The following MIS18BP1 variants were observed in gnomAD, a reference collection of about 807,000 sequenced individuals.
The protein encoded by MIS18BP1 is MIS18 binding protein 1.
MIS18BP1 carries 72 observed loss-of-function variants against 116.1 expected under a neutral mutation model. The observed-to-expected ratio is 0.62, with a 90% CI of 0.51 to 0.75. The LOEUF (loss-of-function observed/expected upper bound fraction) is 0.75. Ranked by LOEUF, MIS18BP1 falls within the 30% of genes least tolerant of loss-of-function variation. The pLI is 0.00. For missense variants in MIS18BP1, 1,363 were observed against 1,303.2 expected (o/e 1.05, Z -0.71); for synonymous variants, 386 against 427.0 (o/e 0.90, Z 1.18).
intron 11 of MIS18BP1, 55 bp from the exon 12 acceptor site, chr14:45,218,509 C>T: frequency 6.8e-7 from 1 of 1,479,386 alleles, no homozygotes; most frequent in Non-Finnish European, 9.1e-7. Flanking sequence ...ATGACAATAA[C>T]CTCTTAAAAG....
intron 14 of MIS18BP1, chr14:45,206,371 C>T (rs914110604): frequency 2.8e-5 from 13 of 462,364 alleles, no homozygotes; most frequent in Non-Finnish European, 4.7e-5. Flanking sequence ...ACTGCAGCCT[C>T]AACCTCCTGG....
At chr14:45,228,653 A>C (rs1380433219) in intron 8 of MIS18BP1, among the ~76,000 whole-genome samples, 3 of 152,230 alleles carry the variant, frequency 2.0e-5, no homozygotes. Flanking sequence ...AAAAAGTATA[A>C]AAACATTTTG....
chr14:45,230,867 C>T (rs995591879), intron 8 of MIS18BP1, among the ~76,000 whole-genome samples: 3 of 152,140 alleles, frequency 2.0e-5, no homozygotes, highest in Admixed American at 6.5e-5. Context: ...GCGATCCTTG[C>T]GCTTCAGCCT....
intron 6 of MIS18BP1, among the ~76,000 whole-genome samples, chr14:45,235,475 G>C (rs1313353368): frequency 2.7e-5 from 4 of 150,282 alleles, no homozygotes; most frequent in Non-Finnish European, 5.9e-5. Context: ...CCTTAGTCCC[G>C]GCTACTCAGG....
At chr14:45,252,764 T>C in intron 1 of MIS18BP1, among the ~76,000 whole-genome samples, 1 of 140,540 alleles carries the variant, frequency 7.1e-6, no homozygotes, top group Admixed American at 6.8e-5. Context: ...CCACTTGGTA[T>C]TCTAAAAAAA....
In MIS18BP1 at chr14:45,226,793, A is replaced by C; in HGVS notation, c.1790T>G (p.Leu597Arg). Reference sequence around the variant, plus strand: ...TTCATTTGTTCTTTCACCAATTTTTAGTTTCTTTGAAGACATTTTATATTC... The same window carrying C: ...TTCATTTGTTCTTTCACCAATTTTTCGTTTCTTTGAAGACATTTTATATTC... ...KKEYKMSSKK[L>R]KIGERTNERI... Residue 597 changes from leucine (L) to arginine (R), a missense_variant, in exon 10 of 17, where the codon CTA (leucine) becomes CGA (arginine). Coordinates refer to ENST00000310806, the MANE Select transcript of MIS18BP1 (RefSeq NM_018353.5). The C allele has an allele frequency of 7.1e-7, 1 of 1,414,084 alleles. No individual in the cohort carries two copies. The highest frequency in any genetic ancestry group is 9.4e-7 in the Non-Finnish European group (1 of 1,061,750). 87.6% of individuals were successfully genotyped at this position (1,414,084 alleles called of 1,614,324 possible). A position where few individuals can be genotyped will look rare whatever the true frequency, so the allele number is the denominator to read the frequency against.
chr14:45,209,412 A>G (rs924570173), intron 14 of MIS18BP1, among the ~76,000 whole-genome samples: 1 of 151,958 alleles, frequency 6.6e-6, no homozygotes, highest in African/African-American at 2.4e-5. Context: ...ACTGCAGCCT[A>G]CACCTCTGGG....
chr14:45,241,975 A>G, intron 4 of MIS18BP1, 59 bp downstream of exon 4: 1 of 1,503,672 alleles, frequency 6.7e-7, no homozygotes, highest in Non-Finnish European at 8.9e-7. Flanking sequence ...TTAAAAGCTC[A>G]AGCTCTTGAA....
At chr14:45,210,298 A>G (rs1233351944) in intron 14 of MIS18BP1, 82 bp downstream of exon 14, 3 of 1,386,622 alleles carry the variant, frequency 2.2e-6, no homozygotes, top group African/African-American at 2.9e-5. Context: ...CATTACTGGC[A>G]TCTATGGTCC....
intron 10 of MIS18BP1, among the ~76,000 whole-genome samples, chr14:45,225,198 TTC>T (rs1216825036): frequency 6.6e-6 from 1 of 152,170 alleles, no homozygotes; most frequent in Non-Finnish European, 1.5e-5. Flanking sequence ...TTCGATTTTA[TTC>T]TCTAACCCAC....
chr14:45,242,481 CA>C lies in MIS18BP1; in HGVS notation c.695del (p.Leu232TrpfsTer3), dbSNP rs1284538816. 1 of 1,592,156 alleles carries C rather than the reference CA, an allele frequency of 6.3e-7. No individual in the cohort carries two copies. Among genetic ancestry groups the C allele is most frequent in the Non-Finnish European group, 8.5e-7 (1 of 1,173,778 alleles). On this transcript the variant is annotated frameshift_variant, in exon 4 of 17. Transcript: ENST00000310806. LOFTEE classifies it high-confidence loss of function. ...PTLNQEQENF[L>X]AVEARNKTLT... Reference sequence around the variant, plus strand: ...ATGTCTTGTTTCGGGCTTCTACAGCCAAAAAATTTTCCTGTTCTTGGTTCAG... The same window carrying C: ...ATGTCTTGTTTCGGGCTTCTACAGCCAAAAATTTTCCTGTTCTTGGTTCAG...
At position 45,204,204 on chromosome 14, in the gene MIS18BP1, C is replaced by G. The variant is rs137962827; in HGVS notation, c.3304G>C (p.Glu1102Gln). Residue 1102 changes from glutamate to glutamine, a missense_variant, in exon 17 of 17, where the codon GAA becomes CAA. Physicochemically the swap from Glu to Gln is conservative, Grantham distance 29 (BLOSUM62 2). Transcript: ENST00000310806. ...AAAAGTTTTCCAATACCAGAGTTTT[C>G]TCCTAAGTCTGTAAAGAGAAGTTTA... ...RKTPFNTDLG[E>Q]NSGIGKLFTN... 1.8e-4 allele frequency: 287 copies of G among 1,604,576 alleles called. No individual in the cohort carries two copies. The African/African-American group carries it at 3.3e-3, about 19-fold the overall frequency.
At chr14:45,215,063 A>G (rs1890778638) in intron 13 of MIS18BP1, among the ~76,000 whole-genome samples, 1 of 152,128 alleles carries the variant, frequency 6.6e-6, no homozygotes, top group Non-Finnish European at 1.5e-5. Context: ...TCTGTTCTTT[A>G]TGATGCTACT....
At position 45,226,787 on chromosome 14, in the gene MIS18BP1, AT is replaced by A; in HGVS notation, c.1795del (p.Ile599LeufsTer9). 7.1e-7 allele frequency: 1 copy of A among 1,415,112 alleles called. No individual in the cohort carries two copies. Among genetic ancestry groups the A allele is most frequent in the African/African-American group, 1.5e-5 (1 of 68,572 alleles). The allele number at this position is 1,415,112 out of a possible 1,614,324, so 87.7% of individuals were successfully genotyped here. A position where few individuals can be genotyped will look rare whatever the true frequency, so the allele number is the denominator to read the frequency against. On this transcript the variant is annotated frameshift_variant, in exon 10 of 17. Transcript: ENST00000310806. LOFTEE classifies it high-confidence loss of function. ...EYKMSSKKLK[I>X]GERTNERIIK... is the part of the protein sequence containing the mutation. ...TATCCTTTCATTTGTTCTTTCACCAATTTTTAGTTTCTTTGAAGACATTTTA... is the reference window on the plus strand; with the variant it reads ...TATCCTTTCATTTGTTCTTTCACCAATTTTAGTTTCTTTGAAGACATTTTA...
chr14:45,236,517 A>T (rs1310398662), intron 5 of MIS18BP1, among the ~76,000 whole-genome samples: 1 of 152,230 alleles, frequency 6.6e-6, no homozygotes, highest in South Asian at 2.1e-4. Flanking sequence ...ATGAAGATGT[A>T]TTAGATAAAT....
intron 9 of MIS18BP1, among the ~76,000 whole-genome samples, chr14:45,227,181 A>G (rs567186399): frequency 6.6e-6 from 1 of 152,264 alleles, no homozygotes; most frequent in East Asian, 1.9e-4. Context: ...CAAGACATTC[A>G]GTCCCCAAGT....
chr14:45,237,989 C>A (rs1891473589), intron 4 of MIS18BP1, among the ~76,000 whole-genome samples: 1 of 152,160 alleles, frequency 6.6e-6, no homozygotes. Context: ...ATCACCAAAT[C>A]TCAACTGGTG....
At chr14:45,205,265 C>A (rs1890483193) in intron 15 of MIS18BP1, among the ~76,000 whole-genome samples, 1 of 151,656 alleles carries the variant, frequency 6.6e-6, no homozygotes, top group Non-Finnish European at 1.5e-5. Flanking sequence ...TAACATAAAT[C>A]AATATAATCA....
At chr14:45,244,582 C>A (rs1438987614) in intron 2 of MIS18BP1, among the ~76,000 whole-genome samples, 2 of 152,184 alleles carry the variant, frequency 1.3e-5, no homozygotes, top group Non-Finnish European at 2.9e-5. Flanking sequence ...TCTACACCAG[C>A]ATCTTAGCAG....
Sources: gnomAD v4.1 joint callset for allele counts (sites outside exome capture counted in the v4.1 genomes callset) on GRCh38, gnomAD v4.1.1 for gene constraint, MANE v1.5 for transcripts, NCBI Gene and HGNC (gene_info 2026-07-23, HGNC 2026-07-21) for gene names.